The following DAGLA variants were observed in gnomAD, a reference collection of about 807,000 sequenced individuals.
The protein encoded by DAGLA is diacylglycerol lipase-alpha.
DAGLA carries 22 observed loss-of-function variants against 102.6 expected under a neutral mutation model. That is an observed-to-expected ratio of 0.21 (90% CI 0.15 to 0.31). DAGLA has a LOEUF of 0.31. DAGLA is among the 10% of genes least tolerant of loss of function. The pLI is 1.00. For synonymous variants in DAGLA, 578 were observed against 628.9 expected (o/e 0.92, Z 1.21); for missense variants, 927 against 1,446.6 (o/e 0.64, Z 5.83).
At chr11:61,702,027 C>T (rs1488842602) in intron 1 of DAGLA, among the ~76,000 whole-genome samples, 6 of 152,072 alleles carry the variant, frequency 3.9e-5, no homozygotes, top group African/African-American at 1.4e-4. Flanking sequence ...TCTCCTGCGT[C>T]AGCTGCCTGA....
In DAGLA at chr11:61,734,079, G is replaced by T. The variant is rs774091039; in HGVS notation, c.975-770G>T. On this transcript the variant is annotated intron_variant, in intron 9 of 19. Coordinates refer to ENST00000257215, the MANE Select transcript of DAGLA (RefSeq NM_006133.3). This position sits in a 1 kb window ranked among gnomAD's most constrained non-coding sequence, Gnocchi z 4.2. Reference sequence around the variant, plus strand: ...GATGTGGCTCAACTTATCTTAAAAGGGCCACTCTGTTGCTGAGCTGAGAGC... The same window carrying T: ...GATGTGGCTCAACTTATCTTAAAAGTGCCACTCTGTTGCTGAGCTGAGAGC... 8.5e-5 allele frequency among the ~76,000 whole-genome samples: 13 copies of T among 152,112 alleles called. No homozygotes were observed. The highest frequency in any genetic ancestry group is 1.9e-4 in the Non-Finnish European group (13 of 68,022).
intron 6 of DAGLA, among the ~76,000 whole-genome samples, chr11:61,727,575 G>A (rs2065339307): frequency 6.6e-6 from 1 of 152,216 alleles, no homozygotes; most frequent in African/African-American, 2.4e-5. Context: ...CAGGCCAAGG[G>A]CCTGGAGAGA....
At chr11:61,709,455 C>G (rs1362909656) in intron 1 of DAGLA, among the ~76,000 whole-genome samples, 2 of 152,156 alleles carry the variant, frequency 1.3e-5, no homozygotes, top group African/African-American at 4.8e-5. Flanking sequence ...AGGCTGGTCT[C>G]GAACTCCTGA....
intron 8 of DAGLA, among the ~76,000 whole-genome samples, chr11:61,729,593 G>A (rs927492204): frequency 2.0e-5 from 3 of 152,172 alleles, no homozygotes; most frequent in Non-Finnish European, 4.4e-5. Context: ...CTGCTCTGAT[G>A]CCTGTCGCTG....
chr11:61,685,772 G>A (rs2064981754), intron 1 of DAGLA, among the ~76,000 whole-genome samples: 1 of 145,162 alleles, frequency 6.9e-6, no homozygotes, highest in Non-Finnish European at 1.5e-5. Context: ...CGGTGGGAGT[G>A]AACAAAGGAA....
In DAGLA at chr11:61,720,750, T is replaced by C; in HGVS notation, c.167T>C (p.Val56Ala). The C allele has an allele frequency of 6.2e-7, 1 of 1,614,012 alleles. No individual in the cohort carries two copies. Among genetic ancestry groups the C allele is most frequent in the Non-Finnish European group, 8.5e-7 (1 of 1,180,036 alleles). The change falls in exon 3 of 20, where the codon GTG becomes GCG. Residue 56 changes from valine to alanine, a missense_variant. Around this residue, in one of 4 missense-constraint regions of DAGLA, gnomAD observed 231 missense variants for 439.8 expected, o/e 0.53. Coordinates refer to ENST00000257215, the MANE Select transcript of DAGLA (RefSeq NM_006133.3). ...NPHEACSLNL[V>A]DHGRGYLGIL... Reference sequence around the variant, plus strand: ...CACGAGGCCTGCTCCCTGAACCTGGTGGACCACGGCCGCGGCTACCTGGGC... The same window carrying C: ...CACGAGGCCTGCTCCCTGAACCTGGCGGACCACGGCCGCGGCTACCTGGGC...
intron 16 of DAGLA, 24 bp downstream of exon 16, chr11:61,738,231 G>C: frequency 6.3e-7 from 1 of 1,597,052 alleles, no homozygotes; most frequent in South Asian, 1.1e-5. Flanking sequence ...TGGGCACCCT[G>C]CCTCTGTGCA....
chr11:61,737,845 CAGTCCGATTCCTGTCTCTCA>C lies in DAGLA; in HGVS notation c.1583+93_1583+112del, dbSNP rs1256487259. 38 of 1,137,652 alleles carry C rather than the reference CAGTCCGATTCCTGTCTCTCA, an allele frequency of 3.3e-5. 1 individual carries two copies. The Middle Eastern group carries it at 1.0e-3, about 30-fold the overall frequency. The allele number at this position is 1,137,652 out of a possible 1,614,324, so 70.5% of individuals were successfully genotyped here. ...CCACCCCCAGCCCCCGCATCTCTCT[CAGTCCGATTCCTGTCTCTCA>C]AGGGACCCCACGCCCCTCCCCACCC... On this transcript the variant is annotated intron_variant, in intron 15 of 19. Coordinates refer to ENST00000257215, the MANE Select transcript of DAGLA (RefSeq NM_006133.3).
In DAGLA at chr11:61,720,074, C is replaced by G. The variant is rs2065269014; in HGVS notation, c.-44-38C>G. On this transcript the variant is annotated intron_variant, in intron 1 of 19. Coordinates refer to ENST00000257215, the MANE Select transcript of DAGLA (RefSeq NM_006133.3). ...ATGCAGTGGCCCTGGGTGCCTTCAC[C>G]TCCTCAGGCAGCTATAAGGTCCTCT... The G allele has an allele frequency of 3.4e-6, 5 of 1,467,580 alleles. No homozygotes were observed. The East Asian group carries it at 1.1e-4, about 33-fold the overall frequency. 90.9% of individuals were successfully genotyped at this position (1,467,580 alleles called of 1,614,324 possible). A position where few individuals can be genotyped will look rare whatever the true frequency, so the allele number is the denominator to read the frequency against.
chr11:61,724,019 G>A (rs1205237350), intron 5 of DAGLA, among the ~76,000 whole-genome samples: 5 of 152,212 alleles, frequency 3.3e-5, no homozygotes, highest in African/African-American at 4.8e-5. Flanking sequence ...CTTGCCTGAG[G>A]TTACACAGCT....
rs144674730 is a variant in DAGLA at position 61,743,609 on chromosome 11, C to T, written c.2249C>T (p.Ala750Val). ...CTGTCGCCAGTGGTTGCGGCGGCGG[C>T]CCGCCAGGACCCGGTGGAGCTGCTG... ...RLLSPVVAAAARQDPVELLLL... is the reference protein window; with the variant it reads ...RLLSPVVAAAVRQDPVELLLL... Residue 750 changes from alanine to valine, a missense_variant, in exon 20 of 20, where the codon GCC becomes GTC. By Grantham distance (64) the Ala-to-Val change is moderately conservative (BLOSUM62 0). Coordinates refer to ENST00000257215, the MANE Select transcript of DAGLA (RefSeq NM_006133.3). 2.7e-4 allele frequency: 419 copies of T among 1,577,416 alleles called. 4 individuals carry two copies. The African/African-American group carries it at 5.4e-3, about 20-fold the overall frequency.
chr11:61,738,291 A>T, intron 16 of DAGLA, 84 bp downstream of exon 16: 1 of 1,183,472 alleles, frequency 8.4e-7, no homozygotes, highest in African/African-American at 1.5e-5. Flanking sequence ...GGGACAAAGC[A>T]CAAGAGGCCC....
intron 14 of DAGLA, 22 bp from the exon 15 acceptor site, chr11:61,737,665 T>A (rs1423283091): frequency 6.2e-7 from 1 of 1,612,672 alleles, no homozygotes; most frequent in Non-Finnish European, 8.5e-7. Flanking sequence ...GGCCTTAGCT[T>A]CTGCTTCGGC....
In DAGLA at chr11:61,740,499, C is replaced by G; in HGVS notation, c.1890C>G (p.Ile630Met). The change falls in exon 18 of 20, where the codon ATC becomes ATG. Residue 630 changes from isoleucine (I) to methionine (M), a missense_variant. Ile to Met is a conservative substitution (Grantham distance 10, BLOSUM62 1). Transcript: ENST00000257215. Reference sequence around the variant, plus strand: ...AGGAGGAGCCCACATACTTTGCCATCTGGGGCGACAACAAGGCCTTCAATG... The same window carrying G: ...AGGAGGAGCCCACATACTTTGCCATGTGGGGCGACAACAAGGCCTTCAATG... ...CEQEEPTYFA[I>M]WGDNKAFNEV... 6.2e-7 allele frequency: 1 copy of G among 1,613,888 alleles called. No individual in the cohort carries two copies. Among genetic ancestry groups the G allele is most frequent in the Non-Finnish European group, 8.5e-7 (1 of 1,179,988 alleles).
intron 9 of DAGLA, among the ~76,000 whole-genome samples, chr11:61,731,957 GC>G (rs1162020999): frequency 6.6e-6 from 1 of 152,164 alleles, no homozygotes; most frequent in Non-Finnish European, 1.5e-5. Context: ...CACCAAGAAG[GC>G]CTGTTAGTTA....
intron 19 of DAGLA, among the ~76,000 whole-genome samples, chr11:61,741,960 T>C (rs1283893318): frequency 6.6e-6 from 1 of 152,174 alleles, no homozygotes; most frequent in Non-Finnish European, 1.5e-5. Flanking sequence ...TGGACACCCA[T>C]TTACTTACAT....
intron 1 of DAGLA, among the ~76,000 whole-genome samples, chr11:61,709,911 C>T (rs999096231): frequency 6.6e-6 from 1 of 152,104 alleles, no homozygotes; most frequent in African/African-American, 2.4e-5. Flanking sequence ...AGGTGGCCCA[C>T]GAAGCCTCCC....
chr11:61,705,045 G>C (rs1372279792), intron 1 of DAGLA, among the ~76,000 whole-genome samples: 1 of 152,092 alleles, frequency 6.6e-6, no homozygotes, highest in Non-Finnish European at 1.5e-5. Flanking sequence ...CTGGGGGGAG[G>C]GGGAGGACAC....
chr11:61,736,212 G>C (rs1565263168), intron 12 of DAGLA, 58 bp from the exon 13 acceptor site: 1 of 1,452,590 alleles, frequency 6.9e-7, no homozygotes, highest in East Asian at 2.3e-5. Flanking sequence ...GTCACTGTGG[G>C]TTTGCTGGTC....
Sources: allele counts gnomAD v4.1 joint callset (sites outside exome capture counted in the v4.1 genomes callset), GRCh38; gene constraint gnomAD v4.1.1; regional missense constraint gnomAD v4.1.1; non-coding constraint Gnocchi (gnomAD v3.1); transcripts MANE v1.5; gene names NCBI Gene and HGNC (gene_info 2026-07-23, HGNC 2026-07-21).